ITGA3: variants seen among roughly 807,000 people sequenced by gnomAD.
ITGA3 encodes the protein integrin alpha-3.
A neutral mutation model predicts 131.1 loss-of-function variants in ITGA3; 70 were observed. That is an observed-to-expected ratio of 0.53 (90% CI 0.44 to 0.65). The LOEUF (loss-of-function observed/expected upper bound fraction) is 0.65, where lower values mean the gene tolerates loss of function less well. Ranked by LOEUF, ITGA3 falls within the 30% of genes least tolerant of loss-of-function variation. ITGA3 has a pLI of 0.00. For missense variants in ITGA3, 1,098 were observed against 1,388.6 expected (o/e 0.79, Z 3.33); for synonymous variants, 537 against 571.6 (o/e 0.94, Z 0.86).
Position 50,078,096 on chromosome 17 carries a change from G to C in ITGA3, c.2190G>C (p.Arg730Ser), listed in dbSNP as rs201060499. Residue 730 changes from arginine (R) to serine (S), a missense_variant, in exon 17 of 26, where the codon AGG becomes AGC. This residue lies in a region of ITGA3 where 699 missense variants were observed against 829.2 expected (regional missense o/e 0.84). Coordinates refer to ENST00000320031, the MANE Select transcript of ITGA3 (RefSeq NM_002204.4). ...FEVIGVTLHT[R>S]DLQVQLQLST... ...TCATCGGGGTGACCCTGCACACAAG[G>C]GACCTTCAGGTGCAGCTGCAGCTCT... 1.2e-5 allele frequency: 20 copies of C among 1,613,778 alleles called. No individual in the cohort carries two copies. The African/African-American group carries it at 2.1e-4, about 17-fold the overall frequency.
At chr17:50,081,654 T>C (rs1318747372) in intron 23 of ITGA3, among the ~76,000 whole-genome samples, 6 of 152,212 alleles carry the variant, frequency 3.9e-5, no homozygotes, top group African/African-American at 1.2e-4. Flanking sequence ...CAGCCAGGGC[T>C]GAGAACCACT....
chr17:50,061,694 G>A (rs1309050965), intron 1 of ITGA3, among the ~76,000 whole-genome samples: 1 of 152,102 alleles, frequency 6.6e-6, no homozygotes, highest in African/African-American at 2.4e-5. Context: ...AACCACCAAA[G>A]GAGTCTCTTC....
At position 50,076,546 on chromosome 17, in the gene ITGA3, G is replaced by C. The variant is rs755775347; in HGVS notation, c.1825-38G>C. The C allele has an allele frequency of 6.6e-5, 106 of 1,608,576 alleles. 1 individual carries two copies. The South Asian group carries it at 1.0e-3, about 16-fold the overall frequency. ...GCGGTGGGGCGAGAGGGCACTGGGG[G>C]GGGTGGTGCGGCCTTCACACCTCCG... is the stretch of plus-strand genomic sequence containing the variant. On this transcript the variant is annotated intron_variant, in intron 13 of 25. Coordinates refer to ENST00000320031, the MANE Select transcript of ITGA3 (RefSeq NM_002204.4).
intron 25 of ITGA3, among the ~76,000 whole-genome samples, 184 bp from the exon 26 acceptor site, chr17:50,088,926 T>C (rs1461289329): frequency 6.6e-6 from 1 of 152,090 alleles, no homozygotes; most frequent in African/African-American, 2.4e-5. Context: ...CAACTCCTTC[T>C]TCCTCTGGGG....
intron 23 of ITGA3, 152 bp from the exon 24 acceptor site, chr17:50,087,592 C>T: frequency 1.3e-6 from 1 of 775,584 alleles, no homozygotes; most frequent in Non-Finnish European, 2.1e-6. Flanking sequence ...GACCTGCTGT[C>T]AGTGGGGCAG....
At chr17:50,066,588 A>G (rs1181144905) in intron 3 of ITGA3, among the ~76,000 whole-genome samples, 1 of 152,130 alleles carries the variant, frequency 6.6e-6, no homozygotes, top group African/African-American at 2.4e-5. Context: ...CAACCTGGGC[A>G]ACACGGCAAA....
In ITGA3 at chr17:50,080,295, C is replaced by T; in HGVS notation, c.2740C>T (p.Leu914=). 2 of 1,613,252 alleles carry T rather than the reference C, an allele frequency of 1.2e-6. No individual in the cohort carries two copies. The highest frequency in any genetic ancestry group is 1.3e-5 in the African/African-American group (1 of 75,034). The change falls in exon 22 of 26, where the codon CTA becomes TTA. Residue 914 remains leucine, a synonymous_variant. Coordinates refer to ENST00000320031, the MANE Select transcript of ITGA3 (RefSeq NM_002204.4). ...CATGRAHCVW[L]ECPIPDAPVV... is the part of the protein sequence containing the mutation. ...CACAGGGCGTGCCCACTGTGTGTGGCTAGAGTGCCCCATCCCTGATGCCCC... is the reference window on the plus strand; with the variant it reads ...CACAGGGCGTGCCCACTGTGTGTGGTTAGAGTGCCCCATCCCTGATGCCCC...
In ITGA3 at chr17:50,064,447, A is replaced by T. The variant is rs1598181559; in HGVS notation, c.335-81A>T. 7.2e-7 allele frequency: 1 copy of T among 1,380,930 alleles called. No individual in the cohort carries two copies. The highest frequency in any genetic ancestry group is 1.0e-6 in the Non-Finnish European group (1 of 1,003,674). The allele number at this position is 1,380,930 out of a possible 1,614,324, so 85.5% of individuals were successfully genotyped here. On this transcript the variant is annotated intron_variant, in intron 2 of 25. Transcript: ENST00000320031. This position sits in a 1 kb window ranked among gnomAD's most constrained non-coding sequence, Gnocchi z 4.4. ...CCTGTGGGTGGAGGGCCCAAGCGGG[A>T]CCCACTCCTGCCCTCTGGAGACTTT...
chr17:50,059,522 G>A (rs1189132258), intron 1 of ITGA3, among the ~76,000 whole-genome samples: 1 of 152,208 alleles, frequency 6.6e-6, no homozygotes, highest in Non-Finnish European at 1.5e-5. Context: ...CAAAGCAGGT[G>A]CCTGGCAGCC....
intron 1 of ITGA3, among the ~76,000 whole-genome samples, chr17:50,057,286 A>G (rs1339769315): frequency 1.3e-5 from 2 of 152,220 alleles, no homozygotes; most frequent in Non-Finnish European, 2.9e-5. Context: ...CCCACCCGCA[A>G]GCAGTGGCAC....
At chr17:50,061,013 C>T (rs968045493) in intron 1 of ITGA3, among the ~76,000 whole-genome samples, 7 of 152,184 alleles carry the variant, frequency 4.6e-5, no homozygotes, top group African/African-American at 1.4e-4. Flanking sequence ...TCTGCACACC[C>T]GCCTTCCCCC....
At chr17:50,069,398 G>A (rs921297930) in intron 4 of ITGA3, among the ~76,000 whole-genome samples, 1 of 152,198 alleles carries the variant, frequency 6.6e-6, no homozygotes, top group Non-Finnish European at 1.5e-5. Flanking sequence ...AGGTGCAGTG[G>A]CTCATGCCTG....
At chr17:50,077,758 C>T (rs928600754) in intron 16 of ITGA3, among the ~76,000 whole-genome samples, 1 of 152,202 alleles carries the variant, frequency 6.6e-6, no homozygotes, top group Non-Finnish European at 1.5e-5. Flanking sequence ...TCACAGCCTT[C>T]TGAGGAGGTA....
Position 50,078,136 on chromosome 17 carries a change from T to C in ITGA3, c.2219+11T>C, listed in dbSNP as rs753185834. On this transcript the variant is annotated intron_variant, in intron 17 of 25. Coordinates refer to ENST00000320031, the MANE Select transcript of ITGA3 (RefSeq NM_002204.4). ...GCTGCAGCTCTCCACGTGAGTGACC[T>C]CGAAAAGCCAGTCTGGGTCAGGGCT... The C allele has an allele frequency of 1.2e-5, 20 of 1,613,260 alleles. No individual in the cohort carries two copies. In the East Asian group the frequency reaches 4.0e-4, roughly 32 times the overall value.
chr17:50,075,593 C>T lies in ITGA3; in HGVS notation c.1538-6C>T. 3 of 1,614,252 alleles carry T rather than the reference C, an allele frequency of 1.9e-6. No homozygotes were observed. The highest frequency in any genetic ancestry group is 2.5e-6 in the Non-Finnish European group (3 of 1,180,046). ...TCCCCTTGCTGACCACCCTGTCTAC[C>T]TGTAGCCCTGGCCTACACTCTGGAG... On this transcript the variant is annotated splice_region_variant and splice_polypyrimidine_tract_variant and intron_variant, in intron 11 of 25. Coordinates refer to ENST00000320031, the MANE Select transcript of ITGA3 (RefSeq NM_002204.4).
At chr17:50,084,683 G>A (rs1909314381) in intron 23 of ITGA3, among the ~76,000 whole-genome samples, 1 of 152,154 alleles carries the variant, frequency 6.6e-6, no homozygotes, top group South Asian at 2.1e-4. Flanking sequence ...ACTTTGGGAG[G>A]CCAAGGTAGG....
intron 10 of ITGA3, among the ~76,000 whole-genome samples, 173 bp from the exon 11 acceptor site, chr17:50,075,286 G>A (rs1908827598): frequency 6.6e-6 from 1 of 152,182 alleles, no homozygotes; most frequent in South Asian, 2.1e-4. Context: ...TTTAAGGGGA[G>A]TGGAAGGGAA....
intron 25 of ITGA3, 149 bp downstream of exon 25, chr17:50,088,515 C>T: frequency 1.7e-6 from 1 of 580,988 alleles, no homozygotes; most frequent in Non-Finnish European, 3.1e-6. Context: ...CTGACTGTCC[C>T]TCCAGCCCCC....
In ITGA3 at chr17:50,064,571, G is replaced by A. The variant is rs1431056027; in HGVS notation, c.378G>A (p.Val126=). 1.2e-6 allele frequency: 2 copies of A among 1,613,224 alleles called. No homozygotes were observed. Among genetic ancestry groups the A allele is most frequent in the Non-Finnish European group, 1.7e-6 (2 of 1,179,838 alleles). Residue 126 remains valine, a synonymous_variant, in exon 3 of 26, where the codon GTG becomes GTA. Transcript: ENST00000320031. This position sits in a 1 kb window ranked among gnomAD's most constrained non-coding sequence, Gnocchi z 4.4. ...HHIIEDMWLG[V]TVASQGPAGR... ...TTATTGAGGACATGTGGCTTGGAGT[G>A]ACTGTGGCCAGCCAGGGCCCTGCAG...
Sources: allele counts gnomAD v4.1 joint callset (sites outside exome capture counted in the v4.1 genomes callset), GRCh38; gene constraint gnomAD v4.1.1; regional missense constraint gnomAD v4.1.1; non-coding constraint Gnocchi (gnomAD v3.1); transcripts MANE v1.5; gene names NCBI Gene and HGNC (gene_info 2026-07-23, HGNC 2026-07-21).